Variants in ITFG1 observed in about 807,000 individuals in gnomAD.
ITFG1 encodes integrin alpha FG-GAP repeat containing 1, also known as T-cell immunomodulatory protein.
A neutral mutation model predicts 81.8 loss-of-function variants in ITFG1; 34 were observed. That is an observed-to-expected ratio of 0.42 (90% CI 0.32 to 0.55). ITFG1 has a LOEUF of 0.55. Among genes scored for constraint, ITFG1 ranks in the 20% least tolerant of loss-of-function variants. ITFG1 has a pLI of 0.17. For synonymous variants in ITFG1, 285 were observed against 270.6 expected (o/e 1.05, Z -0.52); for missense variants, 672 against 755.4 (o/e 0.89, Z 1.29).
At chr16:47,185,852 T>C (rs1649118936) in intron 14 of ITFG1, among the ~76,000 whole-genome samples, 2 of 152,010 alleles carry the variant, frequency 1.3e-5, no homozygotes, top group Admixed American at 6.6e-5. Context: ...ACAAAACTGA[T>C]AGACCGCTAG....
intron 6 of ITFG1, among the ~76,000 whole-genome samples, chr16:47,384,340 CATT>C (rs1968432947): frequency 1.3e-5 from 2 of 152,170 alleles, no homozygotes; most frequent in African/African-American, 4.8e-5. Context: ...GATTTAAACT[CATT>C]GTAACTGAAA....
At chr16:47,317,033 G>T (rs1450923064) in intron 8 of ITFG1, among the ~76,000 whole-genome samples, 1 of 152,110 alleles carries the variant, frequency 6.6e-6, no homozygotes, top group Non-Finnish European at 1.5e-5. Flanking sequence ...AAACTCAAGA[G>T]AAACTGCAAC....
chr16:47,163,051 C>T (rs1265218414), intron 14 of ITFG1, among the ~76,000 whole-genome samples: 1 of 152,168 alleles, frequency 6.6e-6, no homozygotes, highest in Non-Finnish European at 1.5e-5. Flanking sequence ...ATCCCCCTGC[C>T]TCGGGCTCTC....
chr16:47,310,475 G>A (rs971498265), intron 10 of ITFG1, among the ~76,000 whole-genome samples: 3 of 152,074 alleles, frequency 2.0e-5, no homozygotes, highest in Non-Finnish European at 4.4e-5. Flanking sequence ...TAAAATTTAG[G>A]AATACTCATA....
rs934178186 is a variant in ITFG1 at position 47,459,169 on chromosome 16, T to A, written c.215A>T (p.Asp72Val). ...CTGGTCTGCCAAAAAGACGATTAAG[T>A]CATTTCCTAAAGAAAACAAATATAT... ...TDLFVLRERN[D>V]LIVFLADQNA... Residue 72 changes from aspartate (D) to valine (V), a missense_variant, in exon 2 of 18, where the codon GAC becomes GTC. By Grantham distance (152) the Asp-to-Val change is radical. This residue lies in a region of ITFG1 where 560 missense variants were observed against 625.7 expected (regional missense o/e 0.90). Transcript: ENST00000320640. 1.9e-6 allele frequency: 3 copies of A among 1,589,836 alleles called. No homozygotes were observed. The highest frequency in any genetic ancestry group is 2.6e-6 in the Non-Finnish European group (3 of 1,158,442).
At chr16:47,307,377 C>T (rs1967187106) in intron 10 of ITFG1, among the ~76,000 whole-genome samples, 1 of 152,000 alleles carries the variant, frequency 6.6e-6, no homozygotes, top group Admixed American at 6.5e-5. Flanking sequence ...TCACTGTCTA[C>T]AGAGGTTTCT....
intron 8 of ITFG1, among the ~76,000 whole-genome samples, chr16:47,324,206 T>G (rs1473358031): frequency 6.6e-6 from 1 of 152,074 alleles, no homozygotes; most frequent in African/African-American, 2.4e-5. Context: ...AAAAGAATTT[T>G]CAACCCAGAA....
At chr16:47,166,433 CATAA>C (rs764387091) in intron 14 of ITFG1, among the ~76,000 whole-genome samples, 3 of 152,138 alleles carry the variant, frequency 2.0e-5, no homozygotes, top group Non-Finnish European at 2.9e-5. Context: ...CAAGTGCATG[CATAA>C]ATAAACACAT....
chr16:47,329,166 A>C (rs907067672), intron 8 of ITFG1, among the ~76,000 whole-genome samples: 1 of 152,184 alleles, frequency 6.6e-6, no homozygotes, highest in African/African-American at 2.4e-5. Context: ...TAATCCTAAC[A>C]ATCTAGGATT....
chr16:47,386,587 G>T (rs552407744), intron 6 of ITFG1, among the ~76,000 whole-genome samples: 1 of 152,190 alleles, frequency 6.6e-6, no homozygotes, highest in Non-Finnish European at 1.5e-5. Flanking sequence ...AGAATGGCAG[G>T]GGCCTAGCGA....
intron 9 of ITFG1, 118 bp from the exon 10 acceptor site, chr16:47,311,530 A>G: frequency 1.5e-6 from 1 of 685,194 alleles, no homozygotes; most frequent in Non-Finnish European, 2.3e-6. Flanking sequence ...TAACTTTTTT[A>G]TCTCTACAAT....
intron 8 of ITFG1, among the ~76,000 whole-genome samples, chr16:47,332,915 T>C (rs1967654263): frequency 6.6e-6 from 1 of 152,238 alleles, no homozygotes; most frequent in Admixed American, 6.5e-5. Flanking sequence ...ATTTACGAGG[T>C]TATTCATCTA....
intron 8 of ITFG1, among the ~76,000 whole-genome samples, chr16:47,362,480 A>G (rs1968121883): frequency 6.6e-6 from 1 of 152,240 alleles, no homozygotes; most frequent in Admixed American, 6.5e-5. Flanking sequence ...CATCACTTCT[A>G]CAGAATAAAA....
chr16:47,199,806 A>G (rs1965402522), intron 14 of ITFG1, among the ~76,000 whole-genome samples: 1 of 151,756 alleles, frequency 6.6e-6, no homozygotes, highest in African/African-American at 2.4e-5. Flanking sequence ...GAATCGTGGG[A>G]GCCCTGAGCT....
intron 14 of ITFG1, among the ~76,000 whole-genome samples, chr16:47,169,188 A>G (rs1964928905): frequency 6.6e-6 from 1 of 152,020 alleles, no homozygotes; most frequent in Non-Finnish European, 1.5e-5. Flanking sequence ...TTGTTTTTCA[A>G]TATTGTTTTG....
chr16:47,352,231 T>C (rs982445535), intron 8 of ITFG1, among the ~76,000 whole-genome samples: 1 of 152,132 alleles, frequency 6.6e-6, no homozygotes, highest in Admixed American at 6.5e-5. Context: ...ACTAAAGAGC[T>C]TCTGCACAGC....
intron 6 of ITFG1, among the ~76,000 whole-genome samples, chr16:47,405,729 A>G (rs1310277087): frequency 6.6e-6 from 1 of 152,204 alleles, no homozygotes; most frequent in African/African-American, 2.4e-5. Context: ...TGCTAGCCTC[A>G]TCTAAATGCT....
intron 12 of ITFG1, among the ~76,000 whole-genome samples, chr16:47,247,928 A>AGGC (rs1966021795): frequency 1.3e-5 from 2 of 152,192 alleles, no homozygotes; most frequent in South Asian, 4.1e-4. Flanking sequence ...AGGCTGGATC[A>AGGC]TGGATGATGC....
intron 10 of ITFG1, among the ~76,000 whole-genome samples, chr16:47,287,427 G>T (rs1966874167): frequency 6.6e-6 from 1 of 151,996 alleles, no homozygotes; most frequent in African/African-American, 2.4e-5. Flanking sequence ...CTGAGGCAGG[G>T]GCTTGTTCTG....
Sources: gnomAD v4.1 joint callset for allele counts (sites outside exome capture counted in the v4.1 genomes callset) on GRCh38, gnomAD v4.1.1 for gene constraint, gnomAD v4.1.1 regional missense constraint, MANE v1.5 for transcripts, NCBI Gene and HGNC (gene_info 2026-07-23, HGNC 2026-07-21) for gene names.